HYCC2: variants seen among roughly 807,000 people sequenced by gnomAD.
HYCC2 encodes the protein hyccin PI4KA lipid kinase complex subunit 2.
the HYCC2 span, among the ~76,000 whole-genome samples, chr2:201,043,335 G>A: frequency 1.3e-5 from 2 of 149,634 alleles, no homozygotes; most frequent in East Asian, 3.9e-4. Context: ...AGAGACCTTT[G>A]TTCACATGTT....
chr2:201,001,137 C>CA, the HYCC2 span, among the ~76,000 whole-genome samples: 7,675 of 70,084 alleles, frequency 0.11, 336 homozygotes, highest in Middle Eastern at 0.21. Context: ...GACTCTGTCT[C>CA]AAAAAAAAAA....
the HYCC2 span, among the ~76,000 whole-genome samples, chr2:201,010,495 TAGA>T: frequency 2.0e-5 from 3 of 152,318 alleles, no homozygotes; most frequent in African/African-American, 4.8e-5. Flanking sequence ...AGACAGAAAG[TAGA>T]AGAAGTTCAG....
the HYCC2 span, among the ~76,000 whole-genome samples, chr2:201,062,037 C>T: frequency 6.6e-6 from 1 of 151,650 alleles, no homozygotes; most frequent in Non-Finnish European, 1.5e-5. Context: ...CCTGGGAGGT[C>T]GAGGCTGCAG....
At chr2:200,992,373 G>A in the HYCC2 span, 1 of 1,557,716 alleles carries the variant, frequency 6.4e-7, no homozygotes, top group Admixed American at 1.7e-5. Flanking sequence ...TTATACCTAT[G>A]AAGAAGCAGA....
At chr2:201,040,110 T>C in the HYCC2 span, among the ~76,000 whole-genome samples, 2 of 151,624 alleles carry the variant, frequency 1.3e-5, no homozygotes, top group Admixed American at 1.3e-4. Flanking sequence ...GAGGCAGAGG[T>C]TGCAGTGAGC....
the HYCC2 span, among the ~76,000 whole-genome samples, chr2:201,035,394 C>T: frequency 6.6e-6 from 1 of 152,150 alleles, no homozygotes. Flanking sequence ...TTGATTGAAT[C>T]GGCTACTGAG....
chr2:201,008,032 T>C, the HYCC2 span, among the ~76,000 whole-genome samples: 5 of 152,212 alleles, frequency 3.3e-5, no homozygotes, highest in African/African-American at 7.2e-5. Flanking sequence ...CTCTATTCTT[T>C]CCCTGTAATA....
At chr2:201,051,270 T>C in the HYCC2 span, among the ~76,000 whole-genome samples, 1 of 152,028 alleles carries the variant, frequency 6.6e-6, no homozygotes, top group Non-Finnish European at 1.5e-5. Context: ...ATCACAATGG[T>C]AAAATATTGA....
the HYCC2 span, among the ~76,000 whole-genome samples, chr2:201,068,143 C>T: frequency 3.3e-5 from 5 of 152,036 alleles, no homozygotes; most frequent in Non-Finnish European, 5.9e-5. Context: ...CAAAATTAGC[C>T]GGGCGTGGTG....
At chr2:200,985,678 A>G in the HYCC2 span, among the ~76,000 whole-genome samples, 10 of 152,184 alleles carry the variant, frequency 6.6e-5, no homozygotes, top group Non-Finnish European at 1.5e-4. Context: ...ATAAATAAAT[A>G]AAACTACAAA....
At chr2:201,014,934 G>T in the HYCC2 span, among the ~76,000 whole-genome samples, 1 of 152,180 alleles carries the variant, frequency 6.6e-6, no homozygotes, top group Non-Finnish European at 1.5e-5. Flanking sequence ...TTCCTTAGAA[G>T]AAAACAGTTT....
the HYCC2 span, among the ~76,000 whole-genome samples, chr2:201,070,090 C>G: frequency 6.6e-6 from 1 of 152,120 alleles, no homozygotes; most frequent in Non-Finnish European, 1.5e-5. Flanking sequence ...CAGTGCTGCT[C>G]TCAAAATTGT....
the HYCC2 span, among the ~76,000 whole-genome samples, chr2:201,025,477 A>G: frequency 6.6e-6 from 1 of 152,068 alleles, no homozygotes; most frequent in Non-Finnish European, 1.5e-5. Flanking sequence ...AAAAGAAAAG[A>G]AGGAGAGAAA....
chr2:201,013,958 A>C, the HYCC2 span, among the ~76,000 whole-genome samples: 1 of 152,188 alleles, frequency 6.6e-6, no homozygotes, highest in Non-Finnish European at 1.5e-5. Context: ...GATGACTCCC[A>C]CTGTGATTAA....
the HYCC2 span, among the ~76,000 whole-genome samples, chr2:201,012,310 A>T: frequency 6.6e-6 from 1 of 152,074 alleles, no homozygotes; most frequent in African/African-American, 2.4e-5. Context: ...AAAATACAAA[A>T]ATTAGCTGGG....
At chr2:201,042,882 G>C in the HYCC2 span, among the ~76,000 whole-genome samples, 20 of 151,034 alleles carry the variant, frequency 1.3e-4, no homozygotes, top group African/African-American at 4.9e-4. Context: ...CGGCCGCCCC[G>C]TCTGGGAAGT....
the HYCC2 span, among the ~76,000 whole-genome samples, chr2:201,042,255 A>G: frequency 6.6e-5 from 10 of 152,042 alleles, no homozygotes; most frequent in Non-Finnish European, 1.0e-4. Context: ...CGCTCACTCA[A>G]TGCTCAATGT....
the HYCC2 span, among the ~76,000 whole-genome samples, chr2:201,001,987 T>G: frequency 3.2e-3 from 483 of 152,104 alleles, 2 homozygotes; most frequent in African/African-American, 0.011. Flanking sequence ...AAGGGGTAAA[T>G]TTTATGGTAT....
chr2:201,035,829 C>A, the HYCC2 span, among the ~76,000 whole-genome samples: 1 of 152,028 alleles, frequency 6.6e-6, no homozygotes, highest in Non-Finnish European at 1.5e-5. Context: ...TAGTCAGGAC[C>A]CTCAGCTGCA....
Sources: gnomAD v4.1 joint callset for allele counts (sites outside exome capture counted in the v4.1 genomes callset) on GRCh38, gnomAD v4.1.1 for gene constraint, MANE v1.5 for transcripts, NCBI Gene and HGNC (gene_info 2026-07-23, HGNC 2026-07-21) for gene names.